The following SHISA9 variants were observed in gnomAD, a reference collection of about 807,000 sequenced individuals.
The protein encoded by SHISA9 is protein shisa-9.
Under a neutral mutation model 38.0 loss-of-function variants are expected in SHISA9, and 13 were observed. The ratio of observed to expected loss-of-function variants is 0.34; its 90% confidence interval spans 0.22 to 0.54. The LOEUF (loss-of-function observed/expected upper bound fraction) is 0.54, where lower values mean the gene tolerates loss of function less well. SHISA9 is among the 20% of genes least tolerant of loss of function. SHISA9 has a pLI of 0.91. For missense variants in SHISA9, 538 were observed against 575.8 expected (o/e 0.93, Z 0.67); for synonymous variants, 275 against 242.0 (o/e 1.14, Z -1.27).
intron 2 of SHISA9, among the ~76,000 whole-genome samples, chr16:13,180,248 C>T (rs1301423496): frequency 6.6e-6 from 1 of 152,228 alleles, no homozygotes; most frequent in African/African-American, 2.4e-5. Flanking sequence ...TTCTAAGCTA[C>T]ACTGCCTATC....
At chr16:12,977,390 CT>C (rs1051250854) in intron 2 of SHISA9, among the ~76,000 whole-genome samples, 39 of 152,136 alleles carry the variant, frequency 2.6e-4, no homozygotes, top group African/African-American at 8.9e-4. Context: ...GTTAAAACCA[CT>C]GTGGAAGACA....
the SHISA9 span, among the ~76,000 whole-genome samples, chr16:13,429,316 A>G: frequency 6.6e-6 from 1 of 152,320 alleles, no homozygotes; most frequent in South Asian, 2.1e-4. Flanking sequence ...GAAGGCTAGA[A>G]GTGCAAGCCA....
At chr16:13,082,157 G>A (rs187458420) in intron 2 of SHISA9, among the ~76,000 whole-genome samples, 1 of 152,334 alleles carries the variant, frequency 6.6e-6, no homozygotes, top group African/African-American at 2.4e-5. Flanking sequence ...AGCAGTGTGA[G>A]GTATTAACCA....
At chr16:12,919,642 G>T (rs2071302723) in intron 2 of SHISA9, among the ~76,000 whole-genome samples, 1 of 152,154 alleles carries the variant, frequency 6.6e-6, no homozygotes, top group African/African-American at 2.4e-5. Context: ...AGAGAGACTT[G>T]GGTGAAGGTG....
At chr16:13,201,283 T>TA (rs35612911) in intron 2 of SHISA9, among the ~76,000 whole-genome samples, 2 of 135,366 alleles carry the variant, frequency 1.5e-5, no homozygotes, top group Admixed American at 7.3e-5. Flanking sequence ...AAGTCCCTTA[T>TA]AAAAAAATGG....
intron 2 of SHISA9, among the ~76,000 whole-genome samples, chr16:13,121,487 A>G (rs1042191459): frequency 1.3e-5 from 2 of 152,162 alleles, no homozygotes; most frequent in East Asian, 1.9e-4. Context: ...GCAAGAACCC[A>G]TCTCGAAAAT....
intron 2 of SHISA9, among the ~76,000 whole-genome samples, chr16:13,080,463 A>G (rs866648985): frequency 1.3e-5 from 2 of 152,238 alleles, no homozygotes; most frequent in South Asian, 2.1e-4. Flanking sequence ...TAAAGTCCCA[A>G]GAAGTGTCCC....
At chr16:13,365,308 G>A in the SHISA9 span, among the ~76,000 whole-genome samples, 2 of 152,146 alleles carry the variant, frequency 1.3e-5, no homozygotes, top group African/African-American at 4.8e-5. Flanking sequence ...CTGGCAAGGA[G>A]GACCTACAAT....
At chr16:12,906,078 G>C (rs917240193) in intron 1 of SHISA9, among the ~76,000 whole-genome samples, 1 of 152,168 alleles carries the variant, frequency 6.6e-6, no homozygotes. Context: ...GCTCCAGTGG[G>C]TGTCAACTTG....
the SHISA9 span, among the ~76,000 whole-genome samples, chr16:13,285,899 T>C: frequency 6.6e-6 from 1 of 152,134 alleles, no homozygotes; most frequent in Non-Finnish European, 1.5e-5. Context: ...TTTTTAAGTA[T>C]GTGTATTTAT....
chr16:13,214,791 GACTC>G (rs774669133), intron 4 of SHISA9, among the ~76,000 whole-genome samples: 7 of 152,216 alleles, frequency 4.6e-5, no homozygotes, highest in African/African-American at 7.2e-5. Context: ...GATCTTGTGA[GACTC>G]ACTCACTCTC....
the SHISA9 span, among the ~76,000 whole-genome samples, chr16:13,475,943 T>C: frequency 6.6e-6 from 1 of 152,100 alleles, no homozygotes; most frequent in Non-Finnish European, 1.5e-5. Flanking sequence ...AGAGCTCAGG[T>C]AGTAATGCCA....
chr16:12,988,052 A>G (rs1457250563), intron 2 of SHISA9, among the ~76,000 whole-genome samples: 2 of 152,206 alleles, frequency 1.3e-5, no homozygotes, highest in African/African-American at 4.8e-5. Context: ...AATATGCAGG[A>G]CAAGACAGCA....
At chr16:13,452,655 T>C in the SHISA9 span, among the ~76,000 whole-genome samples, 71,896 of 151,894 alleles carry the variant, frequency 0.47, 18,437 homozygotes, top group South Asian at 0.76. Context: ...CATCATTCAA[T>C]AGCATAATAA....
the SHISA9 span, among the ~76,000 whole-genome samples, chr16:13,454,643 C>T: frequency 6.6e-5 from 10 of 152,204 alleles, no homozygotes; most frequent in African/African-American, 2.4e-4. Flanking sequence ...CTTGCTCTAA[C>T]ACCTGTGCTT....
chr16:12,992,304 C>T (rs992416661), intron 2 of SHISA9, among the ~76,000 whole-genome samples: 5 of 148,892 alleles, frequency 3.4e-5, no homozygotes, highest in Non-Finnish European at 5.9e-5. Context: ...GCAGGTGGAT[C>T]ACTTGAGTTC....
the SHISA9 span, among the ~76,000 whole-genome samples, chr16:13,443,298 G>C: frequency 1.4e-3 from 210 of 152,290 alleles, no homozygotes; most frequent in African/African-American, 5.0e-3. Flanking sequence ...CTTTTTCTAG[G>C]AGAGGAGGTT....
chr16:13,213,419 G>C, intron 4 of SHISA9, 119 bp downstream of exon 4: 1 of 900,646 alleles, frequency 1.1e-6, no homozygotes, highest in Non-Finnish European at 1.7e-6. Context: ...TCTGCATAGG[G>C]TGGCATCTGC....
intron 3 of SHISA9, among the ~76,000 whole-genome samples, chr16:13,208,206 T>A (rs553164521): frequency 4.1e-4 from 63 of 152,144 alleles, no homozygotes; most frequent in Non-Finnish European, 7.6e-4. Flanking sequence ...ATTAGAAAAT[T>A]AAATAATTCT....
Sources: allele counts gnomAD v4.1 joint callset (sites outside exome capture counted in the v4.1 genomes callset), GRCh38; gene constraint gnomAD v4.1.1; transcripts MANE v1.5; gene names NCBI Gene and HGNC (gene_info 2026-07-23, HGNC 2026-07-21).